Variants in TMEM156 observed in about 807,000 individuals in gnomAD.
TMEM156 encodes transmembrane protein 156.
TMEM156 carries 28 observed loss-of-function variants against 30.5 expected under a neutral mutation model. The ratio of observed to expected loss-of-function variants is 0.92; its 90% CI spans 0.68 to 1.26. The LOEUF (loss-of-function observed/expected upper bound fraction) is 1.26, where lower values mean the gene tolerates loss of function less well. Among genes scored for constraint, TMEM156 ranks in the 50% most tolerant of loss-of-function variants. TMEM156 has a pLI of 0.00. For missense variants in TMEM156, 351 were observed against 340.6 expected, an observed-to-expected ratio of 1.03 and a Z score of -0.24; for synonymous variants, 137 against 119.9, an observed-to-expected ratio of 1.14 and a Z score of -0.93.
intron 1 of TMEM156, among the ~76,000 whole-genome samples, chr4:39,029,600 G>C (rs1253444203): frequency 3.4e-5 from 2 of 58,644 alleles, no homozygotes; most frequent in Non-Finnish European, 6.0e-5. Flanking sequence ...TGTAGTCCCA[G>C]CTACTCGGGA....
chr4:39,007,821 T>C (rs1054837492), intron 1 of TMEM156, among the ~76,000 whole-genome samples: 10 of 152,144 alleles, frequency 6.6e-5, no homozygotes, highest in African/African-American at 2.4e-4. Flanking sequence ...TTTCTAAATT[T>C]TCTCCATTAT....
chr4:39,001,227 A>AAAG (rs1435297942), intron 1 of TMEM156, among the ~76,000 whole-genome samples: 3 of 150,188 alleles, frequency 2.0e-5, no homozygotes, highest in African/African-American at 7.3e-5. Flanking sequence ...AAAAAAAAAA[A>AAAG]AAAGAAAAAA....
chr4:39,031,648 G>A (rs1320042577), intron 1 of TMEM156, among the ~76,000 whole-genome samples: 1 of 152,044 alleles, frequency 6.6e-6, no homozygotes, highest in African/African-American at 2.4e-5. Context: ...CATTTTGGGA[G>A]GCCGAGGTGG....
chr4:39,024,611 T>G (rs1281034781), intron 1 of TMEM156, among the ~76,000 whole-genome samples: 3 of 151,962 alleles, frequency 2.0e-5, no homozygotes, highest in East Asian at 1.9e-4. Flanking sequence ...CAATTATAAG[T>G]GGGAGCTAAA....
In TMEM156 at chr4:38,983,581, A is replaced by G. The variant is rs560088998; in HGVS notation, c.823+2755T>C. ...ATCTGACTAATTTTGTTTATTTTTTATAGAGATGGGGTTTCACTATATTGC... is the reference window on the plus strand; with the variant it reads ...ATCTGACTAATTTTGTTTATTTTTTGTAGAGATGGGGTTTCACTATATTGC... On this transcript the variant is annotated intron_variant, in intron 5 of 6. Coordinates refer to ENST00000381938, the MANE Select transcript of TMEM156 (RefSeq NM_024943.3). 6.6e-5 allele frequency among the ~76,000 whole-genome samples: 10 copies of G among 152,106 alleles called. No homozygotes were observed. In the South Asian group the frequency reaches 8.3e-4, roughly 13 times the overall value.
intron 1 of TMEM156, among the ~76,000 whole-genome samples, chr4:39,015,183 AT>A (rs1156323150): frequency 5.9e-5 from 9 of 151,856 alleles, no homozygotes; most frequent in African/African-American, 1.9e-4. Context: ...ACCTTCTCTC[AT>A]TTTTTTTATT....
intron 5 of TMEM156, among the ~76,000 whole-genome samples, chr4:38,976,313 C>CAAAAAAAAAA (rs1722849821): frequency 8.1e-6 from 1 of 123,014 alleles, no homozygotes. Context: ...AAAAAAAAAG[C>CAAAAAAAAAA]AAACTGCCAT....
intron 3 of TMEM156, among the ~76,000 whole-genome samples, chr4:38,992,703 ATATATATAT>A (rs1314486829): frequency 3.3e-5 from 1 of 30,412 alleles, no homozygotes; most frequent in African/African-American, 1.4e-4. Flanking sequence ...ATTATATAAT[ATATATATAT>A]TATATATATA....
chr4:39,024,015 G>A (rs1487567476), intron 1 of TMEM156, among the ~76,000 whole-genome samples: 4 of 152,188 alleles, frequency 2.6e-5, no homozygotes, highest in Non-Finnish European at 1.5e-5. Context: ...GAAAGAGCCA[G>A]AGGAATCTTT....
At chr4:39,031,183 C>A (rs760027745) in intron 1 of TMEM156, among the ~76,000 whole-genome samples, 8 of 152,120 alleles carry the variant, frequency 5.3e-5, no homozygotes, top group Non-Finnish European at 1.0e-4. Context: ...AGAATACAGC[C>A]TTTTCTTTTC....
chr4:39,029,120 C>T (rs1159349300), intron 1 of TMEM156, among the ~76,000 whole-genome samples: 15 of 151,942 alleles, frequency 9.9e-5, no homozygotes, highest in African/African-American at 2.4e-4. Flanking sequence ...CTTATTATTT[C>T]GAAATCAAAT....
At chr4:39,032,119 C>T in intron 1 of TMEM156, 107 bp downstream of exon 1, 2 of 674,052 alleles carry the variant, frequency 3.0e-6, no homozygotes, top group Non-Finnish European at 2.6e-6. Flanking sequence ...TCTAGAACTT[C>T]AGCCTATGCA....
rs117761597 is a variant in TMEM156, at chr4:39,021,631, A to G, written c.88+10595T>C. On this transcript the variant is annotated intron_variant, in intron 1 of 6. Coordinates refer to ENST00000381938, the MANE Select transcript of TMEM156 (RefSeq NM_024943.3). ...ACTCATTTCCTTTGCTATGCAGAAG[A>G]TTTTTAGTTTGATACAATCTCATTT... is the stretch of plus-strand genomic sequence containing the variant. 2.5e-4 allele frequency among the ~76,000 whole-genome samples: 38 copies of G among 152,210 alleles called. 1 individual carries two copies. The East Asian group carries it at 5.2e-3, about 21-fold the overall frequency.
chr4:38,980,911 C>T, intron 5 of TMEM156: 3 of 983,990 alleles, frequency 3.0e-6, no homozygotes, highest in Non-Finnish European at 3.6e-6. Context: ...GACATATATG[C>T]CTGTCACGTA....
intron 5 of TMEM156, among the ~76,000 whole-genome samples, chr4:38,976,911 G>C (rs113405283): frequency 3.5e-5 from 5 of 142,870 alleles, no homozygotes; most frequent in African/African-American, 2.5e-5. Flanking sequence ...TGTTGTTGTT[G>C]TTGTTCTTGT....
intron 3 of TMEM156, among the ~76,000 whole-genome samples, chr4:38,990,611 G>A (rs1328814180): frequency 6.6e-6 from 1 of 152,110 alleles, no homozygotes; most frequent in Non-Finnish European, 1.5e-5. Context: ...CTAGGGTCCT[G>A]TGCTGCCCAC....
At chr4:39,012,680 C>CA (rs1428483450) in intron 1 of TMEM156, among the ~76,000 whole-genome samples, 1 of 152,186 alleles carries the variant, frequency 6.6e-6, no homozygotes, top group Non-Finnish European at 1.5e-5. Context: ...GTGGCTCACG[C>CA]CTGCAATCCC....
intron 1 of TMEM156, chr4:39,028,687 C>A (rs1428510203): frequency 6.6e-6 from 1 of 152,198 alleles, no homozygotes; most frequent in African/African-American, 2.4e-5. Context: ...GTAAGTCCAA[C>A]AAAAACAGGT....
intron 1 of TMEM156, among the ~76,000 whole-genome samples, chr4:39,027,549 TCC>T (rs1307611661): frequency 7.5e-6 from 1 of 133,962 alleles, no homozygotes; most frequent in Admixed American, 8.9e-5. Context: ...TCTATACTAT[TCC>T]TTTTTTTTTT....
Sources: allele counts gnomAD v4.1 joint callset (sites outside exome capture counted in the v4.1 genomes callset), GRCh38; gene constraint gnomAD v4.1.1; transcripts MANE v1.5; gene names NCBI Gene and HGNC (gene_info 2026-07-23, HGNC 2026-07-21).